Variants in CDYL2 observed in about 807,000 individuals in gnomAD.
CDYL2 encodes the protein chromodomain Y like 2.
In CDYL2, 23 loss-of-function variants were observed where a neutral mutation model predicts 49.4. That is an observed-to-expected ratio of 0.47 (90% CI 0.34 to 0.66). CDYL2 has a LOEUF of 0.66. Among genes scored for constraint, CDYL2 ranks in the 30% least tolerant of loss-of-function variants. The pLI is 0.01. For synonymous variants in CDYL2, 360 were observed against 268.8 expected, an observed-to-expected ratio of 1.34 and a Z score of -3.32; for missense variants, 678 against 656.4, an observed-to-expected ratio of 1.03 and a Z score of -0.36.
chr16:80,768,272 C>G (rs2142391405), intron 1 of CDYL2, among the ~76,000 whole-genome samples: 1 of 152,342 alleles, frequency 6.6e-6, no homozygotes, highest in South Asian at 2.1e-4. Flanking sequence ...TCCCTATTCA[C>G]TGGCCATCAG....
intron 2 of CDYL2, among the ~76,000 whole-genome samples, chr16:80,683,414 C>T (rs1047453162): frequency 6.6e-6 from 1 of 152,224 alleles, no homozygotes; most frequent in Admixed American, 6.5e-5. Flanking sequence ...AATGTGACCA[C>T]ACAGGAAATC....
chr16:80,761,858 T>C lies in CDYL2; in HGVS notation c.24+42292A>G, dbSNP rs1370683008. On this transcript the variant is annotated intron_variant, in intron 1 of 6. Coordinates refer to ENST00000570137, the MANE Select transcript of CDYL2 (RefSeq NM_152342.4). ...ATGCACATAAAATAACATGTGAATG[T>C]TCAATCTAATAAAGGAGAAAATTAA... Among the ~76,000 whole-genome samples, 7 of 149,308 alleles carry C rather than the reference T, an allele frequency of 4.7e-5. No homozygotes were observed. The East Asian group carries it at 1.2e-3, about 25-fold the overall frequency.
intron 1 of CDYL2, among the ~76,000 whole-genome samples, chr16:80,781,037 T>C (rs1276190024): frequency 1.3e-5 from 2 of 152,180 alleles, no homozygotes; most frequent in South Asian, 4.1e-4. Flanking sequence ...ATGTTACCTG[T>C]GGTAAAGCCC....
chr16:80,621,626 G>A (rs961347104), intron 3 of CDYL2, among the ~76,000 whole-genome samples: 2 of 152,240 alleles, frequency 1.3e-5, no homozygotes, highest in African/African-American at 4.8e-5. Context: ...TTATGCTATG[G>A]CCACCTGCAG....
At chr16:80,788,785 T>A (rs1249271448) in intron 1 of CDYL2, among the ~76,000 whole-genome samples, 1 of 152,198 alleles carries the variant, frequency 6.6e-6, no homozygotes, top group Non-Finnish European at 1.5e-5. Context: ...ACCATACACG[T>A]GGAGAATTTA....
chr16:80,709,112 G>T (rs539248155), intron 1 of CDYL2, among the ~76,000 whole-genome samples: 1 of 152,176 alleles, frequency 6.6e-6, no homozygotes, highest in African/African-American at 2.4e-5. Context: ...AGCCAGGCCT[G>T]GTGGCTCACG....
At chr16:80,634,227 C>T (rs930188099) in intron 2 of CDYL2, among the ~76,000 whole-genome samples, 1 of 152,156 alleles carries the variant, frequency 6.6e-6, no homozygotes, top group African/African-American at 2.4e-5. Context: ...TTCACAATAG[C>T]TCACACTTGG....
At chr16:80,684,398 G>A in intron 2 of CDYL2, 140 bp downstream of exon 2, 3 of 775,598 alleles carry the variant, frequency 3.9e-6, no homozygotes, top group Non-Finnish European at 6.2e-6. Context: ...AGCTCTAGGT[G>A]AGAGAGATGA....
intron 1 of CDYL2, among the ~76,000 whole-genome samples, chr16:80,729,922 T>C (rs1451134392): frequency 3.3e-5 from 5 of 152,060 alleles, no homozygotes; most frequent in East Asian, 3.9e-4. Flanking sequence ...AGACACAACA[T>C]ACCAGAATCT....
chr16:80,670,615 T>A (rs557024502), intron 2 of CDYL2, among the ~76,000 whole-genome samples: 63 of 152,278 alleles, frequency 4.1e-4, no homozygotes, highest in African/African-American at 1.4e-3. Flanking sequence ...CCCATCTGGC[T>A]TCTCACCAGG....
At chr16:80,720,225 C>T (rs527646666) in intron 1 of CDYL2, among the ~76,000 whole-genome samples, 66 of 152,260 alleles carry the variant, frequency 4.3e-4, no homozygotes, top group Non-Finnish European at 7.2e-4. Flanking sequence ...CTCATGACTC[C>T]CCTCTCTGTG....
chr16:80,617,601 G>C (rs189010635), intron 4 of CDYL2, among the ~76,000 whole-genome samples: 122 of 152,238 alleles, frequency 8.0e-4, no homozygotes, highest in African/African-American at 2.9e-3. Flanking sequence ...TCCCGAGTTG[G>C]GAGAGCTGGA....
At chr16:80,657,756 G>A (rs186512485) in intron 2 of CDYL2, among the ~76,000 whole-genome samples, 3 of 152,162 alleles carry the variant, frequency 2.0e-5, no homozygotes, top group African/African-American at 7.2e-5. Context: ...TGACAACACT[G>A]TTTATGCACT....
intron 1 of CDYL2, among the ~76,000 whole-genome samples, chr16:80,692,970 A>G (rs1181620227): frequency 6.6e-6 from 1 of 152,230 alleles, no homozygotes; most frequent in African/African-American, 2.4e-5. Context: ...ATCTGTGCAG[A>G]GAAGTACCAC....
At chr16:80,624,958 T>C (rs1476599239) in intron 3 of CDYL2, among the ~76,000 whole-genome samples, 1 of 152,032 alleles carries the variant, frequency 6.6e-6, no homozygotes, top group Non-Finnish European at 1.5e-5. Flanking sequence ...TGCTAAGATT[T>C]AAAATTGGTG....
At chr16:80,619,974 C>T (rs1276892817) in intron 4 of CDYL2, among the ~76,000 whole-genome samples, 1 of 152,134 alleles carries the variant, frequency 6.6e-6, no homozygotes, top group Non-Finnish European at 1.5e-5. Flanking sequence ...CCTGAGGCTC[C>T]GTGACACCAT....
intron 1 of CDYL2, among the ~76,000 whole-genome samples, chr16:80,693,231 T>G (rs1910488326): frequency 6.6e-6 from 1 of 152,144 alleles, no homozygotes; most frequent in Non-Finnish European, 1.5e-5. Context: ...GAGGTATACA[T>G]CTGTCAAAAG....
At position 80,648,691 on chromosome 16, in the gene CDYL2, T is replaced by TA. The variant is rs201239838; in HGVS notation, c.617-15456dup. Among the ~76,000 whole-genome samples the TA allele has an allele frequency of 3.7e-3, 486 of 132,202 alleles. 2 individuals carry two copies. Among genetic ancestry groups the TA allele is most frequent in the African/African-American group, 0.01 (368 of 35,988 alleles). 86.7% of individuals were successfully genotyped at this position (132,202 alleles called of 152,430 possible). ...ATACCAAAATCAGAAAGAAAAAAAA[T>TA]AAAAAAAAAAAAGAAAACTACTGGC... On this transcript the variant is annotated intron_variant, in intron 2 of 6. Coordinates refer to ENST00000570137, the MANE Select transcript of CDYL2 (RefSeq NM_152342.4).
chr16:80,673,536 C>A (rs1393633130), intron 2 of CDYL2, among the ~76,000 whole-genome samples: 2 of 152,148 alleles, frequency 1.3e-5, no homozygotes, highest in Admixed American at 6.5e-5. Flanking sequence ...CTTCACAATG[C>A]ACAGATGTGC....
Sources: gnomAD v4.1 joint callset for allele counts (sites outside exome capture counted in the v4.1 genomes callset) on GRCh38, gnomAD v4.1.1 for gene constraint, MANE v1.5 for transcripts, NCBI Gene and HGNC (gene_info 2026-07-23, HGNC 2026-07-21) for gene names.